Variants in AFG1L observed in about 807,000 individuals in gnomAD.
AFG1L encodes the protein AFG1 like ATPase.
AFG1L carries 53 observed loss-of-function variants against 62.2 expected under a neutral mutation model. The ratio of observed to expected loss-of-function variants is 0.85; its 90% CI spans 0.68 to 1.07. The LOEUF is 1.07. Among genes scored for constraint, AFG1L ranks in the 50% least tolerant of loss-of-function variants. AFG1L has a pLI of 0.00. For missense variants in AFG1L, 555 were observed against 590.5 expected (o/e 0.94, Z 0.62); for synonymous variants, 228 against 210.3 (o/e 1.08, Z -0.73).
At chr6:108,344,797 A>G (rs1481827016) in intron 2 of AFG1L, 2 of 471,038 alleles carry the variant, frequency 4.2e-6, no homozygotes, top group South Asian at 3.1e-5. Flanking sequence ...GCTGCAGAGT[A>G]TGAAGGTTAC....
intron 6 of AFG1L, among the ~76,000 whole-genome samples, chr6:108,383,903 A>T (rs1780649617): frequency 6.6e-6 from 1 of 152,172 alleles, no homozygotes; most frequent in Admixed American, 6.5e-5. Context: ...ACAAGATCAG[A>T]TATTTCACTG....
intron 8 of AFG1L, among the ~76,000 whole-genome samples, chr6:108,475,248 G>C (rs938698813): frequency 6.6e-5 from 10 of 152,126 alleles, no homozygotes; most frequent in Non-Finnish European, 7.4e-5. Context: ...ATTGGTCTAT[G>C]TGTCTGTATT....
chr6:108,427,125 C>T (rs537077039), intron 7 of AFG1L, among the ~76,000 whole-genome samples: 8 of 151,890 alleles, frequency 5.3e-5, no homozygotes, highest in East Asian at 1.9e-4. Flanking sequence ...TTTTTGGAGA[C>T]GGTGTCTTTC....
chr6:108,380,897 A>T (rs896708816), intron 6 of AFG1L, among the ~76,000 whole-genome samples: 1 of 152,110 alleles, frequency 6.6e-6, no homozygotes, highest in Non-Finnish European at 1.5e-5. Flanking sequence ...GGCTTCACTC[A>T]TCTCTATCAG....
At position 108,328,196 on chromosome 6, in the gene AFG1L, T is replaced by C. The variant is rs2114327825; in HGVS notation, c.363+4148T>C. Among the ~76,000 whole-genome samples the C allele has an allele frequency of 1.3e-5, 2 of 152,358 alleles. 1 individual carries two copies. Among genetic ancestry groups the C allele is most frequent in the South Asian group, 4.1e-4 (2 of 4,834 alleles). On this transcript the variant is annotated intron_variant, in intron 2 of 12. Coordinates refer to ENST00000368977, the MANE Select transcript of AFG1L (RefSeq NM_145315.5). Reference sequence around the variant, plus strand: ...ATATTTGCATATAGTATATAAACTATAACATATAAAACTATGTAATTATAT... The same window carrying C: ...ATATTTGCATATAGTATATAAACTACAACATATAAAACTATGTAATTATAT...
At chr6:108,515,844 A>C (rs1206581357) in intron 11 of AFG1L, among the ~76,000 whole-genome samples, 1 of 152,238 alleles carries the variant, frequency 6.6e-6, no homozygotes, top group Non-Finnish European at 1.5e-5. Context: ...ACAGAAATAC[A>C]AACTACCATC....
rs138450439 is a variant in AFG1L, at chr6:108,489,889, A to G, written c.1062+12597A>G. Among the ~76,000 whole-genome samples, 1,450 of 152,342 alleles carry G rather than the reference A, an allele frequency of 9.5e-3. 17 individuals carry two copies. Among genetic ancestry groups the G allele is most frequent in the African/African-American group, 0.033 (1,369 of 41,572 alleles). On this transcript the variant is annotated intron_variant, in intron 10 of 12. Transcript: ENST00000368977. ...TTTGGAGCCTAAAGGAGTCAATGACATCATCTGAACTGACATAGAAAAAGG... is the reference window on the plus strand; with the variant it reads ...TTTGGAGCCTAAAGGAGTCAATGACGTCATCTGAACTGACATAGAAAAAGG...
Position 108,323,821 on chromosome 6 carries a change from A to G in AFG1L, c.140-4A>G, listed in dbSNP as rs754312927. On this transcript the variant is annotated splice_region_variant and splice_polypyrimidine_tract_variant and intron_variant, in intron 1 of 12. Coordinates refer to ENST00000368977, the MANE Select transcript of AFG1L (RefSeq NM_145315.5). Reference sequence around the variant, plus strand: ...AGTCTAAAATTTTATGTTTTTGTTTATAGCCTATACGGTTCAGACATCCGA... The same window carrying G: ...AGTCTAAAATTTTATGTTTTTGTTTGTAGCCTATACGGTTCAGACATCCGA... The G allele has an allele frequency of 6.2e-7, 1 of 1,605,756 alleles. No homozygotes were observed.
intron 1 of AFG1L, among the ~76,000 whole-genome samples, chr6:108,299,924 A>G (rs1055849522): frequency 3.3e-5 from 5 of 152,236 alleles, no homozygotes; most frequent in African/African-American, 4.8e-5. Context: ...TAGGTTTTCT[A>G]AAACCTAAAA....
chr6:108,451,458 T>C (rs963788115), intron 8 of AFG1L, among the ~76,000 whole-genome samples: 2 of 152,232 alleles, frequency 1.3e-5, no homozygotes, highest in African/African-American at 4.8e-5. Flanking sequence ...CATGTTTGTA[T>C]GTAATATATA....
intron 8 of AFG1L, among the ~76,000 whole-genome samples, chr6:108,454,465 T>C (rs904343623): frequency 1.2e-4 from 19 of 152,190 alleles, no homozygotes; most frequent in Non-Finnish European, 2.2e-4. Flanking sequence ...CTTAGGTGAG[T>C]GGGTTTATAC....
At chr6:108,348,679 C>A (rs1319893964) in intron 3 of AFG1L, among the ~76,000 whole-genome samples, 2 of 152,218 alleles carry the variant, frequency 1.3e-5, no homozygotes, top group African/African-American at 4.8e-5. Flanking sequence ...GCAGTTATAA[C>A]AGACACTTGA....
rs117943908 is a variant in AFG1L at position 108,302,998 on chromosome 6, C to T, written c.139+7780C>T. ...TCGCTCTGTCACCCACTGCAACCTCCGCCTCCCAGGTTCATGCGATTCTTG... is the reference window on the plus strand; with the variant it reads ...TCGCTCTGTCACCCACTGCAACCTCTGCCTCCCAGGTTCATGCGATTCTTG... On this transcript the variant is annotated intron_variant, in intron 1 of 12. Coordinates refer to ENST00000368977, the MANE Select transcript of AFG1L (RefSeq NM_145315.5). Among the ~76,000 whole-genome samples, 18 of 152,236 alleles carry T rather than the reference C, an allele frequency of 1.2e-4. No homozygotes were observed. The East Asian group carries it at 2.3e-3, about 20-fold the overall frequency.
chr6:108,417,288 A>AC (rs1491190180), intron 7 of AFG1L, among the ~76,000 whole-genome samples: 72 of 100,038 alleles, frequency 7.2e-4, no homozygotes, highest in South Asian at 6.5e-3. Context: ...ACACACACAC[A>AC]AAAAAAAAAC....
At chr6:108,514,011 G>A (rs973889695) in intron 11 of AFG1L, among the ~76,000 whole-genome samples, 15 of 152,214 alleles carry the variant, frequency 9.9e-5, no homozygotes, top group African/African-American at 3.6e-4. Context: ...AGGGTCTGGA[G>A]TGGACCTCCA....
At chr6:108,421,777 T>A (rs1336265607) in intron 7 of AFG1L, among the ~76,000 whole-genome samples, 1 of 151,908 alleles carries the variant, frequency 6.6e-6, no homozygotes, top group South Asian at 2.1e-4. Flanking sequence ...TTAATCTCAG[T>A]TTTTTTTCTT....
At chr6:108,445,339 C>T (rs1771724391) in intron 7 of AFG1L, among the ~76,000 whole-genome samples, 1 of 152,158 alleles carries the variant, frequency 6.6e-6, no homozygotes, top group Non-Finnish European at 1.5e-5. Flanking sequence ...AATAATAAGG[C>T]TGTTTTGCTT....
At chr6:108,306,841 A>C (rs1777216045) in intron 1 of AFG1L, among the ~76,000 whole-genome samples, 1 of 152,160 alleles carries the variant, frequency 6.6e-6, no homozygotes. Flanking sequence ...AAGTATGGTC[A>C]GCCTAGAGCC....
chr6:108,302,166 T>C (rs556515), intron 1 of AFG1L, among the ~76,000 whole-genome samples: 45,498 of 151,972 alleles, frequency 0.3, 10,360 homozygotes, highest in African/African-American at 0.63. Flanking sequence ...AGGCTGGTCT[T>C]GAACTCTTGC....
Sources: allele counts gnomAD v4.1 joint callset (sites outside exome capture counted in the v4.1 genomes callset), GRCh38; gene constraint gnomAD v4.1.1; transcripts MANE v1.5; gene names NCBI Gene and HGNC (gene_info 2026-07-23, HGNC 2026-07-21).